TUSC3: variants seen among roughly 807,000 people sequenced by gnomAD.
TUSC3 encodes dolichyl-diphosphooligosaccharide--protein glycosyltransferase subunit TUSC3.
In TUSC3, 45 loss-of-function variants were observed where a neutral mutation model predicts 44.8. That is an observed-to-expected ratio of 1.00 (90% CI 0.79 to 1.29). The LOEUF is 1.29. Ranked by LOEUF, TUSC3 falls within the 50% of genes most tolerant of loss-of-function variation. The pLI is 0.00. For missense variants in TUSC3, 519 were observed against 437.9 expected (o/e 1.19, Z -1.65); for synonymous variants, 212 against 152.9 (o/e 1.39, Z -2.85).
At chr8:15,777,330 T>G in the TUSC3 span, among the ~76,000 whole-genome samples, 1 of 152,152 alleles carries the variant, frequency 6.6e-6, no homozygotes, top group African/African-American at 2.4e-5. Context: ...AAAGAAGGCA[T>G]AGTGTGCCTC....
At chr8:15,609,973 G>A (rs1804692292) in intron 1 of TUSC3, among the ~76,000 whole-genome samples, 1 of 151,674 alleles carries the variant, frequency 6.6e-6, no homozygotes, top group Admixed American at 6.6e-5. Flanking sequence ...TTTCATTTTA[G>A]TCTCTGGTAT....
chr8:15,591,618 G>T (rs976735016), intron 1 of TUSC3, among the ~76,000 whole-genome samples: 53 of 152,320 alleles, frequency 3.5e-4, no homozygotes, highest in African/African-American at 1.2e-3. Flanking sequence ...ATAGATTGTT[G>T]TGAGGGAGTG....
chr8:15,793,379 C>A, the TUSC3 span, among the ~76,000 whole-genome samples: 1 of 152,140 alleles, frequency 6.6e-6, no homozygotes, highest in Non-Finnish European at 1.5e-5. Flanking sequence ...TGTACTCCAG[C>A]CTTGCACACA....
intron 2 of TUSC3, among the ~76,000 whole-genome samples, chr8:15,632,334 T>G (rs568285081): frequency 1.9e-4 from 29 of 152,344 alleles, no homozygotes; most frequent in African/African-American, 5.8e-4. Flanking sequence ...TCTGATTGTT[T>G]CTTCCTGATT....
At chr8:15,552,765 T>G (rs1303162651) in intron 1 of TUSC3, among the ~76,000 whole-genome samples, 1 of 151,486 alleles carries the variant, frequency 6.6e-6, no homozygotes, top group African/African-American at 2.4e-5. Context: ...GTGGGGAGAA[T>G]TGAAGGGTTT....
chr8:15,798,950 G>T, the TUSC3 span, among the ~76,000 whole-genome samples: 2 of 152,238 alleles, frequency 1.3e-5, no homozygotes, highest in East Asian at 3.9e-4. Flanking sequence ...ATTCTCCAGT[G>T]GGTCTCCTAT....
chr8:15,668,908 C>T (rs1198377714), intron 5 of TUSC3, among the ~76,000 whole-genome samples: 1 of 151,690 alleles, frequency 6.6e-6, no homozygotes, highest in African/African-American at 2.4e-5. Flanking sequence ...CTTCACAAGT[C>T]TCGAGTCTCG....
chr8:15,435,253 T>C (rs969870922), intron 1 of TUSC3, among the ~76,000 whole-genome samples: 3 of 152,108 alleles, frequency 2.0e-5, no homozygotes, highest in African/African-American at 7.2e-5. Context: ...TGGTATCTCA[T>C]TGTGGTTTTG....
intron 1 of TUSC3, among the ~76,000 whole-genome samples, chr8:15,447,655 C>G (rs922548236): frequency 6.7e-6 from 1 of 149,988 alleles, no homozygotes; most frequent in Non-Finnish European, 1.5e-5. Context: ...GAACTATAGG[C>G]TAATGATTAC....
At chr8:15,463,764 C>T (rs529585802) in intron 1 of TUSC3, among the ~76,000 whole-genome samples, 4 of 152,118 alleles carry the variant, frequency 2.6e-5, no homozygotes, top group African/African-American at 7.2e-5. Flanking sequence ...GTCATCAGTT[C>T]GTCGCTTCTC....
At chr8:15,470,955 A>AAATGAATG (rs34953309) in intron 1 of TUSC3, among the ~76,000 whole-genome samples, 25 of 151,988 alleles carry the variant, frequency 1.6e-4, no homozygotes, top group African/African-American at 5.1e-4. Flanking sequence ...GTGAGTGGGA[A>AAATGAATG]AATGAATGAA....
intron 2 of TUSC3, among the ~76,000 whole-genome samples, chr8:15,490,310 G>T (rs870712): frequency 0.11 from 17,041 of 152,124 alleles, 1,180 homozygotes; most frequent in Middle Eastern, 0.21. Context: ...AATTCTGGCA[G>T]GATTGTCTTT....
chr8:15,804,522 G>A, the TUSC3 span, among the ~76,000 whole-genome samples: 63 of 151,964 alleles, frequency 4.1e-4, no homozygotes, highest in Admixed American at 1.9e-3. Flanking sequence ...GAGAGGTTGC[G>A]GTTATTCTTC....
At chr8:15,663,758 T>G (rs569366295) in intron 5 of TUSC3, among the ~76,000 whole-genome samples, 20 of 152,074 alleles carry the variant, frequency 1.3e-4, no homozygotes, top group African/African-American at 4.6e-4. Flanking sequence ...TGGATGATCT[T>G]AATTACCTTA....
At chr8:15,548,411 G>A (rs553905642) in intron 1 of TUSC3, among the ~76,000 whole-genome samples, 2 of 151,736 alleles carry the variant, frequency 1.3e-5, no homozygotes, top group African/African-American at 4.8e-5. Flanking sequence ...ACATGGCTTT[G>A]GGAAAGTTTC....
At chr8:15,781,966 C>A in the TUSC3 span, among the ~76,000 whole-genome samples, 1 of 152,142 alleles carries the variant, frequency 6.6e-6, no homozygotes. Flanking sequence ...AAGCCAGTCT[C>A]TACTAAAAAA....
chr8:15,671,124 T>C (rs1009835043), intron 5 of TUSC3, among the ~76,000 whole-genome samples: 1 of 151,924 alleles, frequency 6.6e-6, no homozygotes, highest in African/African-American at 2.4e-5. Context: ...GAAATGTGTT[T>C]GGTTTTATCT....
chr8:15,545,817 A>G (rs1420806004), intron 1 of TUSC3, among the ~76,000 whole-genome samples: 1 of 151,650 alleles, frequency 6.6e-6, no homozygotes, highest in African/African-American at 2.4e-5. Context: ...ATATTCATCG[A>G]TTTTAGATGT....
At chr8:15,716,008 C>G (rs1407738439) in intron 6 of TUSC3, among the ~76,000 whole-genome samples, 3 of 152,074 alleles carry the variant, frequency 2.0e-5, no homozygotes, top group African/African-American at 7.2e-5. Context: ...GTAATCCCAG[C>G]ACTTTTGGAG....
Sources: allele counts gnomAD v4.1 joint callset (sites outside exome capture counted in the v4.1 genomes callset), GRCh38; gene constraint gnomAD v4.1.1; transcripts MANE v1.5; gene names NCBI Gene and HGNC (gene_info 2026-07-23, HGNC 2026-07-21).